GNG7: variants seen among roughly 807,000 people sequenced by gnomAD.
GNG7 encodes G protein subunit gamma 7, also known as guanine nucleotide-binding protein G(I)/G(S)/G(O) subunit gamma-7.
GNG7 carries 1 observed loss-of-function variant against 4.0 expected under a neutral mutation model. The ratio of observed to expected loss-of-function variants is 0.25; its 90% CI spans 0.09 to 1.18. The LOEUF is 1.18. Among genes scored for constraint, GNG7 ranks in the 50% most tolerant of loss-of-function variants. The pLI, the probability that GNG7 is intolerant of heterozygous loss-of-function variation, is 0.50. For missense variants in GNG7, 86 were observed against 91.9 expected (o/e 0.94, Z 0.26); for synonymous variants, 34 against 36.9 (o/e 0.92, Z 0.29).
chr19:2,680,451 CCTGTCT>C (rs1983703179), intron 1 of GNG7, among the ~76,000 whole-genome samples: 1 of 151,914 alleles, frequency 6.6e-6, no homozygotes, highest in South Asian at 2.1e-4. Flanking sequence ...TGCCCAGCCA[CCTGTCT>C]CTATTTTTTA....
rs1407838861 is a variant in GNG7 at position 2,626,821 on chromosome 19, A to AT, written c.-78+19402dup. Among the ~76,000 whole-genome samples, 7 of 152,156 alleles carry AT rather than the reference A, an allele frequency of 4.6e-5. No homozygotes were observed. Among genetic ancestry groups the AT allele is most frequent in the Admixed American group, 4.6e-4 (7 of 15,280 alleles). On this transcript the variant is annotated intron_variant, in intron 2 of 4. Transcript: ENST00000382159. This position sits in a 1 kb window ranked among gnomAD's most constrained non-coding sequence, Gnocchi z 5.0. ...CCTCACATCGGTCCATGCTCCTGGC[A>AT]TGGAGTGGGTGGAGGCCAGGGATGC...
chr19:2,631,763 C>T (rs1285485273), intron 2 of GNG7, among the ~76,000 whole-genome samples: 2 of 152,200 alleles, frequency 1.3e-5, no homozygotes, highest in African/African-American at 4.8e-5. Flanking sequence ...TGGCTGTATG[C>T]CAATAAAACT....
At chr19:2,700,327 G>A (rs567031520) in intron 1 of GNG7, among the ~76,000 whole-genome samples, 2 of 152,060 alleles carry the variant, frequency 1.3e-5, no homozygotes, top group Non-Finnish European at 2.9e-5. Context: ...ATTTTTAGTA[G>A]AGACAGGTTT....
intron 1 of GNG7, among the ~76,000 whole-genome samples, chr19:2,675,734 G>T (rs577910896): frequency 1.3e-5 from 2 of 152,250 alleles, no homozygotes; most frequent in Non-Finnish European, 2.9e-5. Flanking sequence ...TTTCACGATT[G>T]GGGGGAGCTC....
At chr19:2,654,817 C>G (rs1982923207) in intron 1 of GNG7, among the ~76,000 whole-genome samples, 1 of 152,046 alleles carries the variant, frequency 6.6e-6, no homozygotes. Context: ...GGACCATTCT[C>G]TGGGCTGGGG....
At chr19:2,597,910 A>C in intron 2 of GNG7, among the ~76,000 whole-genome samples, 1 of 148,392 alleles carries the variant, frequency 6.7e-6, no homozygotes, top group African/African-American at 2.4e-5. Context: ...AAAAAAAAAA[A>C]AAAGAAATTA....
chr19:2,638,658 TC>T (rs1982399753), intron 2 of GNG7, among the ~76,000 whole-genome samples: 1 of 148,746 alleles, frequency 6.7e-6, no homozygotes, highest in Admixed American at 6.7e-5. Flanking sequence ...TTGAGCAGTG[TC>T]CCTGACCTCC....
chr19:2,590,316 A>G (rs952002545), intron 2 of GNG7, among the ~76,000 whole-genome samples: 1 of 152,198 alleles, frequency 6.6e-6, no homozygotes, highest in Non-Finnish European at 1.5e-5. Context: ...TTTTTTCTCT[A>G]TCGGGCACAT....
intron 3 of GNG7, among the ~76,000 whole-genome samples, chr19:2,543,666 G>T (rs1181944000): frequency 1.3e-5 from 2 of 152,182 alleles, no homozygotes; most frequent in African/African-American, 4.8e-5. Context: ...GCGGGCGTTT[G>T]CTCTCCTGAC....
intron 1 of GNG7, among the ~76,000 whole-genome samples, chr19:2,698,291 C>T (rs1459069501): frequency 2.0e-5 from 3 of 150,324 alleles, no homozygotes; most frequent in East Asian, 2.0e-4. Flanking sequence ...AGGCCGGGCG[C>T]GGTGGCTCAC....
chr19:2,598,687 AAT>A, intron 2 of GNG7, among the ~76,000 whole-genome samples: 1 of 61,852 alleles, frequency 1.6e-5, no homozygotes, highest in Non-Finnish European at 4.6e-5. Context: ...AAATAATAAT[AAT>A]AATAATAATA....
Position 2,512,885 on chromosome 19 carries a change from C to T in GNG7, c.*2137G>A. ...AGGCTTTTGTCCCTTCCTGCCATTC[C>T]TGCTATGCGTGGTGGGGACGCCCAC... On this transcript the variant is annotated 3_prime_UTR_variant, in exon 5 of 5. Coordinates refer to ENST00000382159, the MANE Select transcript of GNG7 (RefSeq NM_052847.3). The surrounding 1 kb of genome is among the most constrained non-coding windows in gnomAD (Gnocchi z 4.7). 5.1e-6 allele frequency: 5 copies of T among 984,788 alleles called. No homozygotes were observed. The highest frequency in any genetic ancestry group is 6.0e-6 in the Non-Finnish European group (5 of 829,296). 61.0% of individuals were successfully genotyped at this position (984,788 alleles called of 1,614,324 possible). A position where few individuals can be genotyped will look rare whatever the true frequency, so the allele number is the denominator to read the frequency against.
chr19:2,654,496 T>C (rs926530230), intron 1 of GNG7, among the ~76,000 whole-genome samples: 5 of 151,280 alleles, frequency 3.3e-5, no homozygotes, highest in Non-Finnish European at 7.4e-5. Flanking sequence ...TTGCCTGATG[T>C]CCCCTGGGGA....
chr19:2,567,658 C>T (rs1226584359), intron 2 of GNG7, among the ~76,000 whole-genome samples: 1 of 152,136 alleles, frequency 6.6e-6, no homozygotes, highest in Non-Finnish European at 1.5e-5. Flanking sequence ...TTAGGCACTG[C>T]CTCTGACGCT....
chr19:2,665,279 C>T (rs988421155), intron 1 of GNG7, among the ~76,000 whole-genome samples: 5 of 151,856 alleles, frequency 3.3e-5, no homozygotes, highest in Admixed American at 6.6e-5. Flanking sequence ...GAGCGGCATC[C>T]GTGACCTCCA....
intron 1 of GNG7, among the ~76,000 whole-genome samples, chr19:2,655,154 A>G (rs1265222446): frequency 6.8e-6 from 1 of 147,694 alleles, no homozygotes; most frequent in Non-Finnish European, 1.5e-5. Context: ...ACACCACTGC[A>G]CTCCAGGCTG....
intron 2 of GNG7, among the ~76,000 whole-genome samples, chr19:2,565,444 G>A (rs556640214): frequency 1.2e-3 from 181 of 152,026 alleles, no homozygotes; most frequent in African/African-American, 4.2e-3. Flanking sequence ...CCCGAGAGGC[G>A]GAGGTTGCAG....
At chr19:2,535,527 T>C (rs1450913956) in intron 3 of GNG7, among the ~76,000 whole-genome samples, 1 of 151,566 alleles carries the variant, frequency 6.6e-6, no homozygotes, top group Admixed American at 6.6e-5. Flanking sequence ...TCTGAATTGT[T>C]GTCCCCAGAA....
At position 2,650,208 on chromosome 19, in the gene GNG7, G is replaced by A. The variant is rs1190471236; in HGVS notation, c.-134-3928C>T. ...CTTTTTTTTTTTTTTTTTTGAGACA[G>A]AGTCTCGTTCTATCCCCCAGGCTGG... On this transcript the variant is annotated intron_variant, in intron 1 of 4. Transcript: ENST00000382159. Among the ~76,000 whole-genome samples, 5 of 110,696 alleles carry A rather than the reference G, an allele frequency of 4.5e-5. No individual in the cohort carries two copies. The South Asian group carries it at 1.8e-3, about 40-fold the overall frequency. 72.6% of individuals were successfully genotyped at this position (110,696 alleles called of 152,430 possible).
Sources: allele counts gnomAD v4.1 joint callset (sites outside exome capture counted in the v4.1 genomes callset), GRCh38; gene constraint gnomAD v4.1.1; non-coding constraint Gnocchi (gnomAD v3.1); transcripts MANE v1.5; gene names NCBI Gene and HGNC (gene_info 2026-07-23, HGNC 2026-07-21).